TNFRSF18: variants seen among roughly 807,000 people sequenced by gnomAD.
TNFRSF18 encodes TNF receptor superfamily member 18, also known as tumor necrosis factor receptor superfamily member 18.
TNFRSF18 carries 36 observed loss-of-function variants against 30.2 expected under a neutral mutation model. That is an observed-to-expected ratio of 1.19 (90% CI 0.91 to 1.58). The LOEUF (loss-of-function observed/expected upper bound fraction) is 1.58, where lower values mean the gene tolerates loss of function less well. Among genes scored for constraint, TNFRSF18 ranks in the 40% most tolerant of loss-of-function variants. TNFRSF18 has a pLI of 0.00. For missense variants in TNFRSF18, 369 were observed against 345.4 expected (o/e 1.07, Z -0.54); for synonymous variants, 173 against 158.3 (o/e 1.09, Z -0.70).
intron 1 of TNFRSF18, chr1:1,205,828 G>A (rs969149891): frequency 2.7e-5 from 9 of 331,898 alleles, no homozygotes; most frequent in Admixed American, 9.3e-5. Flanking sequence ...CTCAGAGGCC[G>A]CCTGCCTGGT....
intron 2 of TNFRSF18, among the ~76,000 whole-genome samples, chr1:1,205,058 G>C (rs967964748): frequency 1.3e-5 from 2 of 152,152 alleles, no homozygotes; most frequent in Non-Finnish European, 2.9e-5. Flanking sequence ...TCAGTATGTG[G>C]TGAGGACAGA....
rs756063874 is a variant in TNFRSF18, at chr1:1,203,668, C to A, written c.*176G>T. 1.3e-6 allele frequency: 2 copies of A among 1,549,096 alleles called. No homozygotes were observed. Among genetic ancestry groups the A allele is most frequent in the Non-Finnish European group, 8.7e-7 (1 of 1,155,204 alleles). ...GTCTCTCTCTCCCTCCTGCAGGGCCCAGCCGCGGCCGCCGAACTGCATGGT... is the reference window on the plus strand; with the variant it reads ...GTCTCTCTCTCCCTCCTGCAGGGCCAAGCCGCGGCCGCCGAACTGCATGGT... On this transcript the variant is annotated 3_prime_UTR_variant, in exon 5 of 5. Transcript: ENST00000379268.
At chr1:1,205,266 C>A (rs1487841803) in intron 2 of TNFRSF18, 104 bp downstream of exon 2, 4 of 1,525,996 alleles carry the variant, frequency 2.6e-6, no homozygotes, top group Admixed American at 4.0e-5. Flanking sequence ...CCGGACCCCA[C>A]ACACCACATG....
At chr1:1,205,026 G>A (rs567014288) in intron 2 of TNFRSF18, among the ~76,000 whole-genome samples, 1 of 152,154 alleles carries the variant, frequency 6.6e-6, no homozygotes, top group African/African-American at 2.4e-5. Context: ...ACAGGACTCC[G>A]GGGGGCACAG....
intron 1 of TNFRSF18, 142 bp downstream of exon 1, chr1:1,206,243 G>T: frequency 3.1e-6 from 3 of 971,172 alleles, no homozygotes; most frequent in Non-Finnish European, 4.5e-6. Context: ...CCTCCGGAAG[G>T]CTCCCGCTGC....
intron 1 of TNFRSF18, chr1:1,205,705 G>T: frequency 1.7e-6 from 1 of 580,898 alleles, no homozygotes; most frequent in African/African-American, 1.9e-5. Context: ...CCCCCTTTGC[G>T]CCCCACAGCT....
Position 1,206,369 on chromosome 1 carries a change from A to G in TNFRSF18, c.187+16T>C. On this transcript the variant is annotated intron_variant, in intron 1 of 4. Coordinates refer to ENST00000379268, the MANE Select transcript of TNFRSF18 (RefSeq NM_004195.3). Reference sequence around the variant, plus strand: ...CGCCTTGGCCGGTCCGCGTTAAGTAAACGCGGTTTACTTACCCGGGTAATC... The same window carrying G: ...CGCCTTGGCCGGTCCGCGTTAAGTAGACGCGGTTTACTTACCCGGGTAATC... 6.5e-7 allele frequency: 1 copy of G among 1,545,460 alleles called. No homozygotes were observed.
intron 1 of TNFRSF18, 94 bp downstream of exon 1, chr1:1,206,291 C>T (rs962609991): frequency 2.0e-5 from 29 of 1,425,876 alleles, no homozygotes; most frequent in African/African-American, 4.4e-5. Context: ...ACCTCAGCAA[C>T]GCCGGTCTGA....
chr1:1,203,973 A>AG lies in TNFRSF18; in HGVS notation c.602-6dup, dbSNP rs1478095138. On this transcript the variant is annotated splice_polypyrimidine_tract_variant and splice_region_variant and intron_variant, in intron 4 of 4. Transcript: ENST00000379268. The stretch of plus-strand genomic sequence containing the variant: ...CCTCCAGCAGCAGCTGGGTCTCTGC[A>AG]GGGGGGCCACGGTCAGCAGGCAGCC... 4.4e-6 allele frequency: 7 copies of AG among 1,606,836 alleles called. No individual in the cohort carries two copies. Among genetic ancestry groups the AG allele is most frequent in the Middle Eastern group, 1.7e-4 (1 of 6,048 alleles).
intron 1 of TNFRSF18, among the ~76,000 whole-genome samples, chr1:1,205,889 G>A (rs1434421898): frequency 1.3e-5 from 2 of 152,214 alleles, no homozygotes; most frequent in African/African-American, 4.8e-5. Context: ...TCCGGACAGA[G>A]CCTCCCTTCC....
In TNFRSF18 at chr1:1,205,438, C is replaced by T. The variant is rs1222173658; in HGVS notation, c.242G>A (p.Cys81Tyr). The change falls in exon 2 of 5, where the codon TGC becomes TAC. Residue 81 changes from cysteine to tyrosine, a missense_variant. By Grantham distance (194) the Cys-to-Tyr change is radical. Transcript: ENST00000379268. Reference sequence around the variant, plus strand: ...GCAGGTCGTGCAGCAAGGGTCTCCGCAGTGGAATTCAGGCTGGACACACAT... The same window carrying T: ...GCAGGTCGTGCAGCAAGGGTCTCCGTAGTGGAATTCAGGCTGGACACACAT... ...DCMCVQPEFH[C>Y]GDPCCTTCRH... is the part of the protein sequence containing the mutation. The T allele has an allele frequency of 6.2e-7, 1 of 1,612,626 alleles. No homozygotes were observed.
chr1:1,203,990 C>T, intron 4 of TNFRSF18, 22 bp from the exon 5 acceptor site: 6 of 1,606,668 alleles, frequency 3.7e-6, no homozygotes, highest in Non-Finnish European at 5.1e-6. Flanking sequence ...CCACGGTCAG[C>T]AGGCAGCCAT....
rs550075203 is a variant in TNFRSF18, at chr1:1,204,525, G to A, written c.311-39C>T. 7 of 1,460,654 alleles carry A rather than the reference G, an allele frequency of 4.8e-6. No individual in the cohort carries two copies. In the South Asian group the frequency reaches 8.0e-5, roughly 17 times the overall value. The allele number at this position is 1,460,654 out of a possible 1,614,324, so 90.5% of individuals were successfully genotyped here. A position where few individuals can be genotyped will look rare whatever the true frequency, so the allele number is the denominator to read the frequency against. On this transcript the variant is annotated intron_variant, in intron 2 of 4. Coordinates refer to ENST00000379268, the MANE Select transcript of TNFRSF18 (RefSeq NM_004195.3). ...TGGGGGGAGGGAGGGAGGGAGGCTG[G>A]TGGAGTTGCTGGGATGGATGAGGAG...
Position 1,205,451 on chromosome 1 carries a change from G to C in TNFRSF18, c.229C>G (p.Pro77Ala). Residue 77 changes from proline (P) to alanine (A), a missense_variant, in exon 2 of 5, where the codon CCT becomes GCT. Pro to Ala is a conservative substitution (Grantham distance 27). Coordinates refer to ENST00000379268, the MANE Select transcript of TNFRSF18 (RefSeq NM_004195.3). Reference sequence around the variant, plus strand: ...CAAGGGTCTCCGCAGTGGAATTCAGGCTGGACACACATGCAGTCCCACTCG... The same window carrying C: ...CAAGGGTCTCCGCAGTGGAATTCAGCCTGGACACACATGCAGTCCCACTCG... ...CSEWDCMCVQ[P>A]EFHCGDPCCT... is the part of the protein sequence containing the mutation. The C allele has an allele frequency of 6.2e-7, 1 of 1,612,592 alleles. No individual in the cohort carries two copies. The highest frequency in any genetic ancestry group is 8.5e-7 in the Non-Finnish European group (1 of 1,179,816).
intron 1 of TNFRSF18, chr1:1,205,718 C>A: frequency 1.8e-6 from 1 of 561,744 alleles, no homozygotes; most frequent in Admixed American, 3.2e-5. Flanking sequence ...CCACAGCTGC[C>A]CCTGCCCAGG....
At position 1,204,456 on chromosome 1, in the gene TNFRSF18, T is replaced by G; in HGVS notation, c.341A>C (p.Asp114Ala). The G allele has an allele frequency of 6.8e-7, 1 of 1,466,720 alleles. No homozygotes were observed. The highest frequency in any genetic ancestry group is 9.2e-7 in the Non-Finnish European group (1 of 1,090,540). 90.9% of individuals were successfully genotyped at this position (1,466,720 alleles called of 1,614,324 possible). ...CCCGGAGAAGGTCCCCGAGGCACAG[T>G]CGATACACTGGAAGCCAAAACTGAA... ...GKFSFGFQCI[D>A]CASGTFSGGH... is the part of the protein sequence containing the mutation. The change falls in exon 3 of 5, where the codon GAC (aspartate) becomes GCC (alanine). Residue 114 changes from aspartate (D) to alanine (A), a missense_variant. Transcript: ENST00000379268.
In TNFRSF18 at chr1:1,203,612, G is replaced by T. The variant is rs748918197; in HGVS notation, c.*232C>A. ...CGTCCTAAGACCCCACCCCATCAGG[G>T]CCAGCAAGGGAGGAAGGGGGCCATG... On this transcript the variant is annotated 3_prime_UTR_variant, in exon 5 of 5. Coordinates refer to ENST00000379268, the MANE Select transcript of TNFRSF18 (RefSeq NM_004195.3). The T allele has an allele frequency of 6.5e-7, 1 of 1,527,962 alleles. No homozygotes were observed. Among genetic ancestry groups the T allele is most frequent in the Non-Finnish European group, 8.7e-7 (1 of 1,146,418 alleles). The allele number at this position is 1,527,962 out of a possible 1,614,324, so 94.7% of individuals were successfully genotyped here. A position where few individuals can be genotyped will look rare whatever the true frequency, so the allele number is the denominator to read the frequency against.
Position 1,205,411 on chromosome 1 carries a change from C to CG in TNFRSF18, c.268dup (p.Arg90ProfsTer?). 1 of 1,612,562 alleles carries CG rather than the reference C, an allele frequency of 6.2e-7. No individual in the cohort carries two copies. Among genetic ancestry groups the CG allele is most frequent in the Non-Finnish European group, 8.5e-7 (1 of 1,179,824 alleles). On this transcript the variant is annotated frameshift_variant, in exon 2 of 5. Coordinates refer to ENST00000379268, the MANE Select transcript of TNFRSF18 (RefSeq NM_004195.3). LOFTEE classifies it high-confidence loss of function. ...CTGGCCTGGGGGACAAGGGTGGTGC[C>CG]GGCAGGTCGTGCAGCAAGGGTCTCC... is the stretch of plus-strand genomic sequence containing the variant.
chr1:1,205,611 G>A (rs1167210716), intron 1 of TNFRSF18, 119 bp from the exon 2 acceptor site: 17 of 1,095,342 alleles, frequency 1.6e-5, no homozygotes, highest in Non-Finnish European at 2.2e-5. Context: ...TTGGCTCCAG[G>A]GAGCAGAGGG....
Sources: allele counts gnomAD v4.1 joint callset (sites outside exome capture counted in the v4.1 genomes callset), GRCh38; gene constraint gnomAD v4.1.1; transcripts MANE v1.5; gene names NCBI Gene and HGNC (gene_info 2026-07-23, HGNC 2026-07-21).